AFF2: variants seen among roughly 807,000 people sequenced by gnomAD.
AFF2 encodes AF4/FMR2 family member 2.
In AFF2, 14 loss-of-function variants were observed where a neutral mutation model predicts 76.9. That is an observed-to-expected ratio of 0.18 (90% CI 0.12 to 0.28). The LOEUF (loss-of-function observed/expected upper bound fraction) is 0.28, where lower values mean the gene tolerates loss of function less well. AFF2 is among the 10% of genes least tolerant of loss of function. The pLI, the probability that AFF2 is intolerant of heterozygous loss-of-function variation, is 1.00. For synonymous variants in AFF2, 398 were observed against 366.7 expected, an observed-to-expected ratio of 1.09 and a Z score of -0.98; for missense variants, 868 against 1,001.1, an observed-to-expected ratio of 0.87 and a Z score of 1.79.
intron 15 of AFF2, among the ~76,000 whole-genome samples, chrX:148,969,463 C>T (rs1327619540): frequency 8.9e-6 from 1 of 112,186 alleles, no homozygotes; most frequent in Non-Finnish European, 1.9e-5. Context: ...CACCAAAATC[C>T]TCAGATGCTC....
intron 9 of AFF2, among the ~76,000 whole-genome samples, chrX:148,910,915 G>A (rs1468206911): frequency 1.8e-5 from 2 of 111,553 alleles, no homozygotes; most frequent in African/African-American, 3.3e-5. Flanking sequence ...GTATGAAATT[G>A]CATGCGTCAA....
intron 12 of AFF2, among the ~76,000 whole-genome samples, chrX:148,961,792 T>A (rs1220720392): frequency 3.5e-5 from 4 of 112,875 alleles, no homozygotes; most frequent in African/African-American, 1.3e-4. Flanking sequence ...TAGTCAATAA[T>A]CATGAAAAGT....
At chrX:148,559,855 G>A (rs1557240246) in intron 1 of AFF2, among the ~76,000 whole-genome samples, 1 of 111,529 alleles carries the variant, frequency 9.0e-6, no homozygotes, top group African/African-American at 3.3e-5. Flanking sequence ...TTGCCACACT[G>A]TCTTCCACAA....
chrX:148,966,374 C>T (rs782330188), intron 13 of AFF2, among the ~76,000 whole-genome samples: 2 of 111,273 alleles, frequency 1.8e-5, no homozygotes, highest in South Asian at 7.8e-4. Context: ...AAAATACCCA[C>T]AGCGGGGTCA....
chrX:148,684,723 G>A (rs988165368), intron 3 of AFF2, among the ~76,000 whole-genome samples: 3 of 112,215 alleles, frequency 2.7e-5, no homozygotes, highest in Non-Finnish European at 5.6e-5. Context: ...TCAATGTGAA[G>A]AATAAGCACC....
At chrX:148,907,901 C>T (rs782790736) in intron 9 of AFF2, among the ~76,000 whole-genome samples, 50 of 110,120 alleles carry the variant, frequency 4.5e-4, no homozygotes, top group Non-Finnish European at 8.2e-4. Context: ...CAGCTGCAAC[C>T]GTAAAAGATA....
intron 3 of AFF2, among the ~76,000 whole-genome samples, chrX:148,693,597 C>T (rs1469606373): frequency 8.9e-6 from 1 of 112,107 alleles, no homozygotes; most frequent in Non-Finnish European, 1.9e-5. Context: ...ATATATGCTT[C>T]TTTTGCTTAT....
At chrX:148,868,843 A>G (rs1296761862) in intron 7 of AFF2, among the ~76,000 whole-genome samples, 1 of 111,921 alleles carries the variant, frequency 8.9e-6, no homozygotes, top group Admixed American at 9.4e-5. Context: ...ATAGAACAAA[A>G]TGGCAAAAAC....
intron 1 of AFF2, among the ~76,000 whole-genome samples, chrX:148,559,921 C>T (rs113516346): frequency 2.7e-5 from 3 of 111,957 alleles, no homozygotes; most frequent in African/African-American, 9.7e-5. Context: ...TATTTCTCCA[C>T]ATCCTCTCCA....
chrX:148,784,916 G>A (rs2069795644), intron 3 of AFF2, among the ~76,000 whole-genome samples: 2 of 111,747 alleles, frequency 1.8e-5, no homozygotes, highest in Admixed American at 9.5e-5. Flanking sequence ...AGACATAAGT[G>A]GGTGACACAA....
chrX:148,905,195 A>C (rs1351964761), intron 9 of AFF2, among the ~76,000 whole-genome samples: 1 of 112,348 alleles, frequency 8.9e-6, no homozygotes, highest in Non-Finnish European at 1.9e-5. Context: ...CCAGAGCACC[A>C]GGGTAGCATT....
At chrX:148,818,621 G>A (rs1310098593) in intron 4 of AFF2, among the ~76,000 whole-genome samples, 9 of 110,931 alleles carry the variant, frequency 8.1e-5, no homozygotes, top group South Asian at 3.8e-4. Context: ...TTAATTTTCC[G>A]ATCAAGTCTC....
At chrX:148,893,213 G>C (rs1238678195) in intron 8 of AFF2, among the ~76,000 whole-genome samples, 1 of 111,879 alleles carries the variant, frequency 8.9e-6, no homozygotes, top group Non-Finnish European at 1.9e-5. Flanking sequence ...AAGGTTAATA[G>C]AATAACATTG....
At chrX:148,948,066 A>G (rs900239415) in intron 9 of AFF2, among the ~76,000 whole-genome samples, 1 of 112,379 alleles carries the variant, frequency 8.9e-6, no homozygotes, top group Non-Finnish European at 1.9e-5. Flanking sequence ...GGATGCCCAC[A>G]CAGCTTGTTG....
At chrX:148,646,203 T>G (rs1232119990) in intron 1 of AFF2, among the ~76,000 whole-genome samples, 1 of 76 alleles carries the variant, frequency 0.013, no homozygotes, top group Non-Finnish European at 0.023. Context: ...ATGAAAATAT[T>G]CTAACATTAA....
Position 148,559,609 on chromosome X carries a change from C to CT in AFF2, c.47+58473dup, listed in dbSNP as rs576579546. 2.2e-4 allele frequency among the ~76,000 whole-genome samples: 24 copies of CT among 110,940 alleles called. No individual in the cohort carries two copies. The Admixed American group carries it at 2.2e-3, about 10-fold the overall frequency. On this transcript the variant is annotated intron_variant, in intron 1 of 20. Coordinates refer to ENST00000370460, the MANE Select transcript of AFF2 (RefSeq NM_002025.4). The stretch of plus-strand genomic sequence containing the variant: ...TCCCTGCAAAGGACATGAACTCATC[C>CT]TTTTTTTTATGGCTGCATAGTATTC...
chrX:148,783,965 A>G (rs1371720335), intron 3 of AFF2, among the ~76,000 whole-genome samples: 2 of 111,813 alleles, frequency 1.8e-5, no homozygotes, highest in African/African-American at 3.3e-5. Flanking sequence ...TTTGCAGCAC[A>G]ATTGAGCTGC....
At position 148,991,620 on chromosome X, in the gene AFF2, T is replaced by G. The variant is rs782108370; in HGVS notation, c.*288T>G. Reference sequence around the variant, plus strand: ...TATGGAATGACAGTCCCTACAATATTGTTTTAAGCCCACACTACCCAAAAC... The same window carrying G: ...TATGGAATGACAGTCCCTACAATATGGTTTTAAGCCCACACTACCCAAAAC... On this transcript the variant is annotated 3_prime_UTR_variant, in exon 21 of 21. Coordinates refer to ENST00000370460, the MANE Select transcript of AFF2 (RefSeq NM_002025.4). The G allele has an allele frequency of 1.7e-5, 3 of 177,724 alleles. No individual in the cohort carries two copies. Among genetic ancestry groups the G allele is most frequent in the Non-Finnish European group, 3.1e-5 (3 of 96,438 alleles). 14.6% of individuals were successfully genotyped at this position (177,724 alleles called of 1,213,427 possible).
rs190371104 is a variant in AFF2, at chrX:148,829,199, C to T, written c.1087-8448C>T. Among the ~76,000 whole-genome samples, 39 of 112,462 alleles carry T rather than the reference C, an allele frequency of 3.5e-4. 1 individual carries two copies. In the East Asian group the frequency reaches 0.01, roughly 30 times the overall value. On this transcript the variant is annotated intron_variant, in intron 4 of 20. Transcript: ENST00000370460. ...AAACTTTTAAAAGAATTGCATTTTG[C>T]ATTGACCCATTGTTATGCCATGGCC...
Sources: gnomAD v4.1 joint callset for allele counts (sites outside exome capture counted in the v4.1 genomes callset) on GRCh38, gnomAD v4.1.1 for gene constraint, MANE v1.5 for transcripts, NCBI Gene and HGNC (gene_info 2026-07-23, HGNC 2026-07-21) for gene names.